Variants in DPYSL3 observed in about 807,000 individuals in gnomAD.
The protein encoded by DPYSL3 is dihydropyrimidinase-related protein 3.
In DPYSL3, 16 loss-of-function variants were observed where a neutral mutation model predicts 66.1. The ratio of observed to expected loss-of-function variants is 0.24; its 90% CI spans 0.16 to 0.37. The LOEUF (loss-of-function observed/expected upper bound fraction) is 0.37, where lower values mean the gene tolerates loss of function less well. Ranked by LOEUF, DPYSL3 falls within the 10% of genes least tolerant of loss-of-function variation. DPYSL3 has a pLI of 1.00. For missense variants in DPYSL3, 738 were observed against 916.2 expected (o/e 0.81, Z 2.51); for synonymous variants, 338 against 345.1 (o/e 0.98, Z 0.23).
chr5:147,474,293 T>C (rs1354802505), intron 1 of DPYSL3, among the ~76,000 whole-genome samples: 3 of 152,088 alleles, frequency 2.0e-5, no homozygotes, highest in African/African-American at 4.8e-5. Context: ...CATAGTTCAC[T>C]TTCTCATAAC....
intron 2 of DPYSL3, among the ~76,000 whole-genome samples, chr5:147,423,507 T>C (rs1435716072): frequency 6.6e-6 from 1 of 152,210 alleles, no homozygotes; most frequent in African/African-American, 2.4e-5. Context: ...ACATTTAACA[T>C]TGTGCCTGGC....
At chr5:147,409,890 C>T (rs557190821) in intron 6 of DPYSL3, among the ~76,000 whole-genome samples, 1 of 152,164 alleles carries the variant, frequency 6.6e-6, no homozygotes, top group South Asian at 2.1e-4. Context: ...TGGAAAAGAA[C>T]GTTCTGTTTT....
At position 147,394,152 on chromosome 5, in the gene DPYSL3, A is replaced by C. The variant is rs182013586; in HGVS notation, c.1967-29T>G. 2.0e-6 allele frequency: 3 copies of C among 1,474,212 alleles called. No homozygotes were observed. The African/African-American group carries it at 4.8e-5, about 24-fold the overall frequency. The allele number at this position is 1,474,212 out of a possible 1,614,324, so 91.3% of individuals were successfully genotyped here. On this transcript the variant is annotated intron_variant, in intron 13 of 13. Coordinates refer to ENST00000343218, the MANE Select transcript of DPYSL3 (RefSeq NM_001197294.2). The stretch of plus-strand genomic sequence containing the variant: ...CAGTTGGAAATAAATTCCCAGGGGG[A>C]AAAAAAAAACAGAGTGGCGGGTAGG...
intron 1 of DPYSL3, among the ~76,000 whole-genome samples, chr5:147,463,543 A>T (rs146085109): frequency 6.6e-5 from 10 of 152,264 alleles, no homozygotes; most frequent in African/African-American, 2.4e-4. Flanking sequence ...TGCATTGTTA[A>T]TGCCCCCCAG....
chr5:147,417,809 A>G (rs558588037), intron 3 of DPYSL3, among the ~76,000 whole-genome samples: 11 of 152,200 alleles, frequency 7.2e-5, no homozygotes, highest in Non-Finnish European at 1.2e-4. Context: ...AATGTTAAAG[A>G]TATGAATTGG....
intron 7 of DPYSL3, 198 bp from the exon 8 acceptor site, chr5:147,405,928 C>T: frequency 1.8e-6 from 1 of 550,568 alleles, no homozygotes; most frequent in Non-Finnish European, 3.1e-6. Flanking sequence ...TTCCCAGTGC[C>T]TCTATCCCTC....
At chr5:147,472,094 A>G (rs1753095326) in intron 1 of DPYSL3, among the ~76,000 whole-genome samples, 1 of 152,180 alleles carries the variant, frequency 6.6e-6, no homozygotes, top group African/African-American at 2.4e-5. Context: ...TGGCTTGCCC[A>G]TGGCCAACAC....
intron 1 of DPYSL3, among the ~76,000 whole-genome samples, chr5:147,503,284 T>G (rs1220025945): frequency 6.6e-6 from 1 of 152,174 alleles, no homozygotes; most frequent in African/African-American, 2.4e-5. Context: ...TTAGTTTAGA[T>G]TTTTTATTTA....
intron 1 of DPYSL3, among the ~76,000 whole-genome samples, chr5:147,481,893 T>C (rs191896563): frequency 2.0e-5 from 3 of 152,326 alleles, no homozygotes; most frequent in East Asian, 3.9e-4. Context: ...TATTCTGTTA[T>C]AGCAGCACAA....
At chr5:147,412,502 T>A in intron 6 of DPYSL3, 106 bp downstream of exon 6, 1 of 1,134,564 alleles carries the variant, frequency 8.8e-7, no homozygotes, top group Non-Finnish European at 1.3e-6. Context: ...GCAAGGTACT[T>A]ATGATGGTGC....
chr5:147,477,947 A>G (rs1202812778), intron 1 of DPYSL3, among the ~76,000 whole-genome samples: 1 of 152,222 alleles, frequency 6.6e-6, no homozygotes, highest in African/African-American at 2.4e-5. Flanking sequence ...AAGCAGAGAG[A>G]AAAGGAAGAC....
At chr5:147,456,581 ATTTTTT>A (rs985633099) in intron 1 of DPYSL3, among the ~76,000 whole-genome samples, 1 of 80,334 alleles carries the variant, frequency 1.2e-5, no homozygotes, top group Admixed American at 1.5e-4. Flanking sequence ...TACTGATTCT[ATTTTTT>A]TTTTTTTTTT....
Position 147,426,045 on chromosome 5 carries a change from T to TC in DPYSL3, c.382-1083dup, listed in dbSNP as rs1561783544. Among the ~76,000 whole-genome samples the TC allele has an allele frequency of 8.9e-5, 13 of 146,222 alleles. No homozygotes were observed. In the East Asian group the frequency reaches 2.6e-3, roughly 30 times the overall value. ...TCCATCCATCCATCCATCCATCCATTCATCCATCCATTCATTCCCAGGTCA... is the reference window on the plus strand; with the variant it reads ...TCCATCCATCCATCCATCCATCCATTCCATCCATCCATTCATTCCCAGGTCA... On this transcript the variant is annotated intron_variant, in intron 1 of 13. Coordinates refer to ENST00000343218, the MANE Select transcript of DPYSL3 (RefSeq NM_001197294.2).
chr5:147,508,768 T>C lies in DPYSL3; in HGVS notation c.381+710A>G, dbSNP rs147163684. Reference sequence around the variant, plus strand: ...AATGTGCACTCTTAATACTCTCGTCTATTTTCTAAAATATAATGCTATTCT... The same window carrying C: ...AATGTGCACTCTTAATACTCTCGTCCATTTTCTAAAATATAATGCTATTCT... On this transcript the variant is annotated intron_variant, in intron 1 of 13. Transcript: ENST00000343218. Among the ~76,000 whole-genome samples, 511 of 152,380 alleles carry C rather than the reference T, an allele frequency of 3.4e-3. 5 individuals carry two copies. Among genetic ancestry groups the C allele is most frequent in the African/African-American group, 0.012 (490 of 41,582 alleles).
intron 1 of DPYSL3, among the ~76,000 whole-genome samples, chr5:147,491,109 C>A (rs998754599): frequency 2.6e-5 from 4 of 152,144 alleles, no homozygotes; most frequent in Non-Finnish European, 5.9e-5. Context: ...ACTTGGAGAA[C>A]AAAATAATAC....
At chr5:147,418,281 G>T (rs1752011874) in intron 3 of DPYSL3, among the ~76,000 whole-genome samples, 166 bp downstream of exon 3, 2 of 152,188 alleles carry the variant, frequency 1.3e-5, no homozygotes, top group Non-Finnish European at 2.9e-5. Flanking sequence ...ACAGGGAGCT[G>T]CCCATTTCCT....
At chr5:147,418,392 A>G in intron 3 of DPYSL3, 55 bp downstream of exon 3, 2 of 1,496,736 alleles carry the variant, frequency 1.3e-6, no homozygotes, top group Admixed American at 1.9e-5. Flanking sequence ...GAGATAACAC[A>G]TTCATTAAAC....
chr5:147,444,013 A>G (rs1444109364), intron 1 of DPYSL3, among the ~76,000 whole-genome samples: 3 of 152,098 alleles, frequency 2.0e-5, no homozygotes, highest in South Asian at 2.1e-4. Context: ...CATAACCTAC[A>G]CCACTCATAC....
chr5:147,469,770 C>G (rs1023622275), intron 1 of DPYSL3, among the ~76,000 whole-genome samples: 15 of 152,170 alleles, frequency 9.9e-5, no homozygotes, highest in African/African-American at 1.7e-4. Context: ...TATTGCTTCC[C>G]AATCCTTAGC....
Sources: allele counts gnomAD v4.1 joint callset (sites outside exome capture counted in the v4.1 genomes callset), GRCh38; gene constraint gnomAD v4.1.1; transcripts MANE v1.5; gene names NCBI Gene and HGNC (gene_info 2026-07-23, HGNC 2026-07-21).